CDKAL1: variants seen among roughly 807,000 people sequenced by gnomAD.
CDKAL1 encodes CDKAL1 threonylcarbamoyladenosine tRNA methylthiotransferase.
A neutral mutation model predicts 68.2 loss-of-function variants in CDKAL1; 32 were observed. That is an observed-to-expected ratio of 0.47 (90% CI 0.35 to 0.63). The LOEUF is 0.63. CDKAL1 is among the 30% of genes least tolerant of loss of function. The pLI, the probability that CDKAL1 is intolerant of heterozygous loss-of-function variation, is 0.00. For missense variants in CDKAL1, 606 were observed against 696.7 expected (o/e 0.87, Z 1.47); for synonymous variants, 234 against 244.3 (o/e 0.96, Z 0.39).
intron 5 of CDKAL1, among the ~76,000 whole-genome samples, chr6:20,669,395 A>C (rs1277987817): frequency 6.6e-6 from 1 of 152,026 alleles, no homozygotes; most frequent in Non-Finnish European, 1.5e-5. Context: ...GTGTAGCCTC[A>C]TGGTTCTTTA....
chr6:21,220,114 T>C (rs150906771), intron 15 of CDKAL1, among the ~76,000 whole-genome samples: 94 of 152,328 alleles, frequency 6.2e-4, no homozygotes, highest in African/African-American at 2.2e-3. Context: ...AGGTTTCTAC[T>C]ACTATCATGA....
chr6:20,813,183 G>A (rs1461995279), intron 8 of CDKAL1, among the ~76,000 whole-genome samples: 1 of 152,104 alleles, frequency 6.6e-6, no homozygotes, highest in African/African-American at 2.4e-5. Context: ...TTGGCCTCAT[G>A]TGATCTCCCC....
At chr6:21,094,965 C>T (rs1773244695) in intron 12 of CDKAL1, among the ~76,000 whole-genome samples, 1 of 152,174 alleles carries the variant, frequency 6.6e-6, no homozygotes, top group Admixed American at 6.5e-5. Flanking sequence ...GTTTTACATT[C>T]TAAACATGTT....
At chr6:20,747,243 G>A (rs986829352) in intron 6 of CDKAL1, among the ~76,000 whole-genome samples, 2 of 152,068 alleles carry the variant, frequency 1.3e-5, no homozygotes, top group African/African-American at 2.4e-5. Context: ...TTCATCCATC[G>A]ATGGATACTT....
intron 11 of CDKAL1, among the ~76,000 whole-genome samples, chr6:21,032,219 T>G (rs953278014): frequency 9.2e-5 from 14 of 152,116 alleles, no homozygotes; most frequent in African/African-American, 3.1e-4. Context: ...GTCTGCGAGC[T>G]TTGTATTTGT....
At chr6:20,830,395 A>G (rs2150461529) in intron 8 of CDKAL1, among the ~76,000 whole-genome samples, 1 of 152,328 alleles carries the variant, frequency 6.6e-6, no homozygotes, top group African/African-American at 2.4e-5. Context: ...GAACAGTAAC[A>G]TGAGATACTA....
chr6:20,888,837 G>C (rs1334206584), intron 9 of CDKAL1, among the ~76,000 whole-genome samples: 1 of 152,110 alleles, frequency 6.6e-6, no homozygotes, highest in African/African-American at 2.4e-5. Context: ...ACATACGTGT[G>C]CATGAGTCTT....
chr6:21,061,253 C>G (rs1449160599), intron 11 of CDKAL1, among the ~76,000 whole-genome samples: 1 of 152,026 alleles, frequency 6.6e-6, no homozygotes, highest in Non-Finnish European at 1.5e-5. Flanking sequence ...ACTCCATTCC[C>G]AAGCTATTTA....
intron 5 of CDKAL1, among the ~76,000 whole-genome samples, chr6:20,722,994 C>T (rs937410487): frequency 1.3e-5 from 2 of 152,138 alleles, no homozygotes; most frequent in African/African-American, 4.8e-5. Flanking sequence ...CTTCACCATC[C>T]TTCAGCTATC....
At chr6:20,660,121 C>T (rs139926847) in intron 5 of CDKAL1, among the ~76,000 whole-genome samples, 21 of 152,242 alleles carry the variant, frequency 1.4e-4, no homozygotes, top group Non-Finnish European at 1.9e-4. Flanking sequence ...GTGGGGTCAT[C>T]GCCCTTCTAA....
chr6:21,079,976 CTGTG>C (rs764266426), intron 12 of CDKAL1, among the ~76,000 whole-genome samples: 24 of 135,840 alleles, frequency 1.8e-4, no homozygotes, highest in African/African-American at 4.2e-4. Context: ...AACTTTGTCT[CTGTG>C]TGTGTGTGTG....
intron 4 of CDKAL1, among the ~76,000 whole-genome samples, chr6:20,643,250 T>C (rs1768273678): frequency 6.6e-6 from 1 of 152,188 alleles, no homozygotes; most frequent in South Asian, 2.1e-4. Context: ...TTCTCTAATA[T>C]TGCTTCTCCT....
chr6:20,676,706 A>T (rs1419709990), intron 5 of CDKAL1, among the ~76,000 whole-genome samples: 2 of 145,666 alleles, frequency 1.4e-5, no homozygotes, highest in African/African-American at 5.6e-5. Context: ...AATAAATAAA[A>T]TAAAATAAAA....
At chr6:20,847,683 T>A (rs1242386795) in intron 9 of CDKAL1, among the ~76,000 whole-genome samples, 2 of 152,182 alleles carry the variant, frequency 1.3e-5, no homozygotes, top group Non-Finnish European at 2.9e-5. Flanking sequence ...TATGCTAACA[T>A]TTGGATATGA....
At chr6:20,558,748 A>C (rs1264344845) in intron 4 of CDKAL1, 1 of 369,288 alleles carries the variant, frequency 2.7e-6, no homozygotes. Context: ...CAGCAATTTA[A>C]AGGCGTTACA....
At chr6:21,010,907 C>T (rs1438897810) in intron 11 of CDKAL1, among the ~76,000 whole-genome samples, 1 of 151,352 alleles carries the variant, frequency 6.6e-6, no homozygotes, top group East Asian at 1.9e-4. Context: ...CATGGTGAAC[C>T]CTGTCTCTAC....
At chr6:20,550,770 C>T (rs947134165) in intron 4 of CDKAL1, among the ~76,000 whole-genome samples, 2 of 151,820 alleles carry the variant, frequency 1.3e-5, no homozygotes, top group South Asian at 2.1e-4. Context: ...GGCACTGACC[C>T]GGTGCTTTAT....
chr6:20,895,245 A>G (rs1405745129), intron 9 of CDKAL1, among the ~76,000 whole-genome samples: 1 of 152,204 alleles, frequency 6.6e-6, no homozygotes, highest in Non-Finnish European at 1.5e-5. Flanking sequence ...ATGTGAATTT[A>G]CAACTTACTC....
rs1176800946 is a variant in CDKAL1, at chr6:20,546,354, C to T, written c.4C>T (p.Pro2Ser). Residue 2 changes from proline (P) to serine (S), a missense_variant, in exon 3 of 16, where the codon CCT (proline) becomes TCT (serine). Pro to Ser is a moderately conservative substitution (Grantham distance 74). Coordinates refer to ENST00000274695, the MANE Select transcript of CDKAL1 (RefSeq NM_017774.3). M[P>S]SASCDTLLDD... ...TAACTTTTATGTGGTAGAGAATATG[C>T]CTTCTGCATCCTGTGATACACTACT... The T allele has an allele frequency of 6.2e-7, 1 of 1,605,342 alleles. No individual in the cohort carries two copies. The highest frequency in any genetic ancestry group is 8.5e-7 in the Non-Finnish European group (1 of 1,174,956).
Sources: allele counts gnomAD v4.1 joint callset (sites outside exome capture counted in the v4.1 genomes callset), GRCh38; gene constraint gnomAD v4.1.1; transcripts MANE v1.5; gene names NCBI Gene and HGNC (gene_info 2026-07-23, HGNC 2026-07-21).